Variants in MYO6 observed in about 807,000 individuals in gnomAD.
MYO6 encodes the protein unconventional myosin-VI.
MYO6 carries 74 observed loss-of-function variants against 178.7 expected under a neutral mutation model. The ratio of observed to expected loss-of-function variants is 0.41; its 90% CI spans 0.34 to 0.50. MYO6 has a LOEUF of 0.50. Ranked by LOEUF, MYO6 falls within the 20% of genes least tolerant of loss-of-function variation. MYO6 has a pLI of 0.09. For synonymous variants in MYO6, 477 were observed against 504.6 expected, an observed-to-expected ratio of 0.95 and a Z score of 0.73; for missense variants, 1,330 against 1,547.4, an observed-to-expected ratio of 0.86 and a Z score of 2.36.
intron 23 of MYO6, 105 bp downstream of exon 23, chr6:75,881,923 A>T: frequency 7.8e-7 from 1 of 1,289,966 alleles, no homozygotes; most frequent in Admixed American, 1.7e-5. Flanking sequence ...AGAGACTGAG[A>T]CTTGTTCACA....
intron 29 of MYO6, among the ~76,000 whole-genome samples, chr6:75,895,622 A>T (rs545215913): frequency 2.9e-4 from 44 of 150,428 alleles, no homozygotes; most frequent in African/African-American, 1.0e-3. Context: ...GGTTCAAGCG[A>T]CTCTCCTGCC....
chr6:75,850,985 G>C (rs1583272611), intron 11 of MYO6, among the ~76,000 whole-genome samples: 1 of 150,718 alleles, frequency 6.6e-6, no homozygotes, highest in East Asian at 1.9e-4. Context: ...AATTTGTTTT[G>C]AAAATGTAAT....
chr6:75,751,012 A>G (rs1473363658), intron 1 of MYO6, among the ~76,000 whole-genome samples: 1 of 152,138 alleles, frequency 6.6e-6, no homozygotes, highest in East Asian at 1.9e-4. Flanking sequence ...AATTAACTGA[A>G]CTTCCTAGAT....
chr6:75,810,722 C>T (rs894526809), intron 1 of MYO6, among the ~76,000 whole-genome samples: 1 of 152,156 alleles, frequency 6.6e-6, no homozygotes, highest in Non-Finnish European at 1.5e-5. Flanking sequence ...ATTGATTTAG[C>T]AGGATTCTTG....
intron 1 of MYO6, among the ~76,000 whole-genome samples, chr6:75,812,448 G>A (rs867910406): frequency 6.6e-6 from 1 of 151,932 alleles, no homozygotes; most frequent in African/African-American, 2.4e-5. Flanking sequence ...TTCTTTCTTT[G>A]TACCACAACG....
In MYO6 at chr6:75,891,302, T is replaced by A. The variant is rs1353597112; in HGVS notation, c.2942T>A (p.Ile981Asn). The A allele has an allele frequency of 6.2e-7, 1 of 1,602,488 alleles. No individual in the cohort carries two copies. The highest frequency in any genetic ancestry group is 2.2e-5 in the East Asian group (1 of 44,506). ...AAAAGGGAAGATGATGAAAAACGCA[T>A]TCAAGTATGTACTTACTGGGTTGAA... Reference protein sequence around the residue: ...RKKREDDEKRIQAEVEAQLAR... With the variant: ...RKKREDDEKRNQAEVEAQLAR... Residue 981 changes from isoleucine (I) to asparagine (N), a missense_variant, in exon 27 of 35, where the codon ATT becomes AAT. Transcript: ENST00000369977.
rs764854985 is a variant in MYO6 at position 75,830,512 on chromosome 6, C to T, written c.358C>T (p.Leu120Phe). ...AATAAAGTCATATCAAGGAAAATCTCTTGGGACAAGACCACCTCATGTCTT... is the reference window on the plus strand; with the variant it reads ...AATAAAGTCATATCAAGGAAAATCTTTTGGGACAAGACCACCTCATGTCTT... ...EAIKSYQGKS[L>F]GTRPPHVFAI... is the part of the protein sequence containing the mutation. Residue 120 changes from leucine to phenylalanine, a missense_variant, in exon 5 of 35, where the codon CTT (leucine) becomes TTT (phenylalanine). Coordinates refer to ENST00000369977, the MANE Select transcript of MYO6 (RefSeq NM_004999.4). The T allele has an allele frequency of 2.5e-6, 4 of 1,612,500 alleles. No homozygotes were observed. The East Asian group carries it at 8.9e-5, about 36-fold the overall frequency.
intron 1 of MYO6, among the ~76,000 whole-genome samples, chr6:75,807,284 G>C (rs972411909): frequency 6.6e-6 from 1 of 151,708 alleles, no homozygotes. Flanking sequence ...ATTTATTTCT[G>C]GTGTTCTGAA....
intron 1 of MYO6, among the ~76,000 whole-genome samples, chr6:75,767,883 A>G (rs1430001824): frequency 6.6e-6 from 1 of 152,172 alleles, no homozygotes; most frequent in South Asian, 2.1e-4. Context: ...TGAATTTACT[A>G]CAGAAATTAT....
chr6:75,823,254 G>T (rs1371953302), intron 3 of MYO6, among the ~76,000 whole-genome samples: 1 of 152,082 alleles, frequency 6.6e-6, no homozygotes, highest in African/African-American at 2.4e-5. Flanking sequence ...AAGCAAACAT[G>T]CATTTAAAAA....
At chr6:75,812,852 A>G (rs1305883270) in intron 1 of MYO6, among the ~76,000 whole-genome samples, 1 of 152,080 alleles carries the variant, frequency 6.6e-6, no homozygotes, top group Non-Finnish European at 1.5e-5. Flanking sequence ...TCTTCTGTTC[A>G]TGGGCACTTG....
chr6:75,850,400 G>T (rs1775152533), intron 11 of MYO6, among the ~76,000 whole-genome samples: 1 of 152,196 alleles, frequency 6.6e-6, no homozygotes, highest in Non-Finnish European at 1.5e-5. Context: ...TTTTACAGAA[G>T]TGGAACCTGT....
intron 1 of MYO6, among the ~76,000 whole-genome samples, chr6:75,767,871 A>G (rs1778575713): frequency 6.6e-6 from 1 of 152,182 alleles, no homozygotes; most frequent in Admixed American, 6.6e-5. Flanking sequence ...ATTTAAAAAA[A>G]ATGAATTTAC....
chr6:75,849,813 C>T (rs557635654), intron 11 of MYO6, among the ~76,000 whole-genome samples: 49 of 152,218 alleles, frequency 3.2e-4, no homozygotes, highest in Non-Finnish European at 6.3e-4. Context: ...TGAGGAAAAC[C>T]GGAATTGCAA....
At chr6:75,850,336 C>T (rs947179950) in intron 11 of MYO6, among the ~76,000 whole-genome samples, 1 of 152,116 alleles carries the variant, frequency 6.6e-6, no homozygotes, top group Non-Finnish European at 1.5e-5. Flanking sequence ...TCATAAACAT[C>T]GTAATTGTAA....
At chr6:75,858,058 G>A (rs1344870739) in intron 13 of MYO6, among the ~76,000 whole-genome samples, 1 of 141,584 alleles carries the variant, frequency 7.1e-6, no homozygotes, top group Admixed American at 7.1e-5. Flanking sequence ...CAAAGGTAGA[G>A]AATTATTATT....
intron 1 of MYO6, among the ~76,000 whole-genome samples, chr6:75,775,700 A>G (rs991122834): frequency 6.6e-6 from 1 of 152,098 alleles, no homozygotes; most frequent in African/African-American, 2.4e-5. Context: ...CAGTTGTTCA[A>G]TTTTATTTTG....
intron 20 of MYO6, among the ~76,000 whole-genome samples, chr6:75,876,997 G>A (rs1474565388): frequency 6.6e-6 from 1 of 150,518 alleles, no homozygotes; most frequent in Non-Finnish European, 1.5e-5. Context: ...TTTTTGAGAC[G>A]GAGTTTCGCT....
Position 75,830,429 on chromosome 6 carries a change from A to G in MYO6, c.275A>G (p.Asn92Ser), listed in dbSNP as rs1265054734. ...TTTCGTATTTAGACATATGTCGCCA[A>G]CATTCTGATTGCAGTGAATCCATAC... ...SKDRIYTYVA[N>S]ILIAVNPYFD... The change falls in exon 5 of 35, where the codon AAC becomes AGC. Residue 92 changes from asparagine (N) to serine (S), a missense_variant. Physicochemically the swap from Asn to Ser is conservative, Grantham distance 46. Transcript: ENST00000369977. 6.2e-7 allele frequency: 1 copy of G among 1,611,706 alleles called. No individual in the cohort carries two copies. Among genetic ancestry groups the G allele is most frequent in the Non-Finnish European group, 8.5e-7 (1 of 1,178,140 alleles).
Sources: gnomAD v4.1 joint callset for allele counts (sites outside exome capture counted in the v4.1 genomes callset) on GRCh38, gnomAD v4.1.1 for gene constraint, MANE v1.5 for transcripts, NCBI Gene and HGNC (gene_info 2026-07-23, HGNC 2026-07-21) for gene names.